Variants in PIERCE1 observed in about 807,000 individuals in gnomAD.
PIERCE1 encodes piercer of microtubule wall 1 protein.
At chr9:135,496,794 A>ATTTTTTTTTT in the PIERCE1 span, among the ~76,000 whole-genome samples, 1 of 122,748 alleles carries the variant, frequency 8.1e-6, no homozygotes, top group African/African-American at 3.2e-5. Flanking sequence ...CCTTCAGTGC[A>ATTTTTTTTTT]TTTTTTTTTT....
the PIERCE1 span, chr9:135,495,595 C>A: frequency 6.2e-7 from 1 of 1,613,464 alleles, no homozygotes; most frequent in South Asian, 1.1e-5. Flanking sequence ...AAAATTTATT[C>A]GAATTTGGAT....
the PIERCE1 span, chr9:135,495,414 A>G: frequency 6.2e-7 from 1 of 1,610,898 alleles, no homozygotes; most frequent in Non-Finnish European, 8.5e-7. Context: ...TCCTAGAGGG[A>G]GTTTCCAGCC....
the PIERCE1 span, chr9:135,498,770 G>A: frequency 4.9e-6 from 5 of 1,019,604 alleles, no homozygotes; most frequent in Admixed American, 3.6e-5. This position sits in a 1 kb window ranked among gnomAD's most constrained non-coding sequence, Gnocchi z 4.1. Flanking sequence ...CCCATGGAAA[G>A]AGCAATATGC....
chr9:135,495,280 T>C, the PIERCE1 span: 1 of 739,780 alleles, frequency 1.4e-6, no homozygotes, highest in Non-Finnish European at 2.2e-6. Context: ...CCCGTTTGCA[T>C]ATTTTCCTAC....
chr9:135,495,357 G>A, the PIERCE1 span: 3 of 1,397,816 alleles, frequency 2.1e-6, no homozygotes, highest in Non-Finnish European at 3.0e-6. Context: ...GGCGACTGTG[G>A]GTGATGAGGG....
At chr9:135,499,642 G>T in the PIERCE1 span, 2 of 1,568,264 alleles carry the variant, frequency 1.3e-6, no homozygotes, top group East Asian at 2.3e-5. Context: ...GGGGTCTTGC[G>T]GGGTCTCTCA....
the PIERCE1 span, chr9:135,495,565 AC>A: frequency 6.2e-7 from 1 of 1,613,998 alleles, no homozygotes; most frequent in Admixed American, 1.7e-5. Context: ...GGAACATTCC[AC>A]CCGCTGCAAG....
the PIERCE1 span, among the ~76,000 whole-genome samples, chr9:135,495,770 C>A: frequency 6.6e-6 from 1 of 152,134 alleles, no homozygotes; most frequent in Admixed American, 6.5e-5. Context: ...CTAATCCATG[C>A]CCGATGCCTG....
the PIERCE1 span, chr9:135,495,347 G>C: frequency 7.7e-7 from 1 of 1,301,826 alleles, no homozygotes; most frequent in Non-Finnish European, 1.1e-6. Context: ...GTCACAATCG[G>C]GCGACTGTGG....
At chr9:135,495,689 A>C in the PIERCE1 span, 1 of 1,359,244 alleles carries the variant, frequency 7.4e-7, no homozygotes, top group Admixed American at 2.3e-5. Context: ...TTTTGAAAGA[A>C]AAATAAGAAT....
chr9:135,495,346 G>C, the PIERCE1 span: 1 of 1,302,712 alleles, frequency 7.7e-7, no homozygotes, highest in Non-Finnish European at 1.1e-6. Context: ...CGTCACAATC[G>C]GGCGACTGTG....
At chr9:135,496,241 G>A in the PIERCE1 span, among the ~76,000 whole-genome samples, 10 of 152,222 alleles carry the variant, frequency 6.6e-5, no homozygotes, top group African/African-American at 2.4e-4. Flanking sequence ...TGCTTGAACC[G>A]GGGAGGCGGA....
the PIERCE1 span, among the ~76,000 whole-genome samples, chr9:135,496,675 C>T: frequency 5.9e-5 from 9 of 152,220 alleles, no homozygotes; most frequent in East Asian, 3.9e-4. Flanking sequence ...ACACTTTTTA[C>T]GGTGGAGCCA....
the PIERCE1 span, chr9:135,495,763 A>G: frequency 1.5e-6 from 1 of 684,728 alleles, no homozygotes. Context: ...GACCATCCTA[A>G]TCCATGCCCG....
At chr9:135,495,464 G>T in the PIERCE1 span, 1 of 1,614,092 alleles carries the variant, frequency 6.2e-7, no homozygotes, top group African/African-American at 1.3e-5. Context: ...GTTGTAACTG[G>T]GGTGGAAGTT....
chr9:135,498,782 C>G, the PIERCE1 span: 41 of 923,228 alleles, frequency 4.4e-5, no homozygotes, highest in Admixed American at 7.9e-4. The surrounding 1 kb of genome is among the most constrained non-coding windows in gnomAD (Gnocchi z 4.1). Context: ...GCAATATGCC[C>G]GGGCTGGTGA....
the PIERCE1 span, among the ~76,000 whole-genome samples, chr9:135,496,958 G>A: frequency 6.7e-6 from 1 of 149,952 alleles, no homozygotes; most frequent in Admixed American, 6.6e-5. Context: ...CACTATGCCC[G>A]GCTACTTTTT....
the PIERCE1 span, chr9:135,499,376 C>A: frequency 1.7e-6 from 1 of 585,946 alleles, no homozygotes; most frequent in Non-Finnish European, 3.3e-6. Flanking sequence ...TACAGCAAGA[C>A]AGTGGAGGTG....
the PIERCE1 span, among the ~76,000 whole-genome samples, chr9:135,496,618 C>T: frequency 1.3e-5 from 2 of 152,304 alleles, no homozygotes; most frequent in East Asian, 3.9e-4. Context: ...TTACCTCCCT[C>T]AGCAAACACA....
Sources: gnomAD v4.1 joint callset for allele counts (sites outside exome capture counted in the v4.1 genomes callset) on GRCh38, gnomAD v4.1.1 for gene constraint, Gnocchi (gnomAD v3.1) non-coding constraint, MANE v1.5 for transcripts, NCBI Gene and HGNC (gene_info 2026-07-23, HGNC 2026-07-21) for gene names.